The following TMPRSS15 variants were observed in gnomAD, a reference collection of about 807,000 sequenced individuals.
The protein encoded by TMPRSS15 is enteropeptidase.
In TMPRSS15, 128 loss-of-function variants were observed where a neutral mutation model predicts 125.3. The observed-to-expected ratio is 1.02, with a 90% CI of 0.89 to 1.18. The LOEUF (loss-of-function observed/expected upper bound fraction) is 1.18, where lower values mean the gene tolerates loss of function less well. TMPRSS15 is among the 50% of genes most tolerant of loss of function. The pLI, the probability that TMPRSS15 is intolerant of heterozygous loss-of-function variation, is 0.00. For missense variants in TMPRSS15, 1,283 were observed against 1,212.7 expected (o/e 1.06, Z -0.86); for synonymous variants, 446 against 423.2 (o/e 1.05, Z -0.66).
intron 1 of TMPRSS15, among the ~76,000 whole-genome samples, chr21:18,473,876 T>G (rs1224102683): frequency 6.6e-6 from 1 of 152,138 alleles, no homozygotes; most frequent in East Asian, 1.9e-4. Flanking sequence ...ACAGGAAAAT[T>G]CACTTTATTG....
At chr21:18,384,699 T>C (rs532768841) in intron 3 of TMPRSS15, among the ~76,000 whole-genome samples, 72 of 152,232 alleles carry the variant, frequency 4.7e-4, no homozygotes, top group African/African-American at 1.7e-3. Flanking sequence ...CAATAAACTC[T>C]AGGCACTCAC....
intron 1 of TMPRSS15, among the ~76,000 whole-genome samples, chr21:18,402,259 C>A (rs963603473): frequency 1.3e-4 from 19 of 151,978 alleles, no homozygotes; most frequent in African/African-American, 3.9e-4. Flanking sequence ...TGGAAAGATA[C>A]GGTGGCTCAT....
intron 1 of TMPRSS15, among the ~76,000 whole-genome samples, chr21:18,413,741 G>A (rs1458821551): frequency 6.6e-6 from 1 of 151,154 alleles, no homozygotes; most frequent in Non-Finnish European, 1.5e-5. Flanking sequence ...TTTATTTCTT[G>A]CTTTAGGACA....
rs1211827470 is a variant in TMPRSS15 at position 18,478,066 on chromosome 21, CCT to C, written c.10+7731_10+7732del. On this transcript the variant is annotated intron_variant, in intron 1 of 7. Transcript: ENST00000422787. Reference sequence around the variant, plus strand: ...ATCCTACCTTGGGTCCGTAAATGCCCCTGTGTATATACAAGATGTTGAAATCT... The same window carrying C: ...ATCCTACCTTGGGTCCGTAAATGCCCGTGTATATACAAGATGTTGAAATCT... Among the ~76,000 whole-genome samples, 8 of 152,030 alleles carry C rather than the reference CCT, an allele frequency of 5.3e-5. No homozygotes were observed. In the South Asian group the frequency reaches 1.2e-3, roughly 24 times the overall value.
At chr21:18,370,816 T>C (rs1402670388) in intron 6 of TMPRSS15, among the ~76,000 whole-genome samples, 4 of 152,166 alleles carry the variant, frequency 2.6e-5, no homozygotes, top group African/African-American at 7.2e-5. Context: ...AAATGTGTAC[T>C]AAGTGGATAG....
At chr21:18,388,929 T>G (rs1259904567) in intron 3 of TMPRSS15, among the ~76,000 whole-genome samples, 1 of 152,068 alleles carries the variant, frequency 6.6e-6, no homozygotes, top group Admixed American at 6.6e-5. Context: ...TAAGAGATTA[T>G]ACACTCTGGA....
intron 1 of TMPRSS15, among the ~76,000 whole-genome samples, chr21:18,473,106 C>A (rs1161103393): frequency 1.3e-5 from 2 of 152,044 alleles, no homozygotes; most frequent in African/African-American, 4.8e-5. Flanking sequence ...AATGCAATAA[C>A]AAAGCACCCT....
At chr21:18,355,829 A>G (rs2075619238) in intron 8 of TMPRSS15, among the ~76,000 whole-genome samples, 1 of 151,878 alleles carries the variant, frequency 6.6e-6, no homozygotes, top group Non-Finnish European at 1.5e-5. Context: ...GGATGAGATC[A>G]TGACTTAATG....
intron 19 of TMPRSS15, among the ~76,000 whole-genome samples, chr21:18,295,749 T>C (rs1024983069): frequency 2.0e-5 from 3 of 152,226 alleles, no homozygotes; most frequent in South Asian, 2.1e-4. Flanking sequence ...AATCTAGATA[T>C]ATTGACATGT....
chr21:18,305,895 A>G (rs2075033870), intron 18 of TMPRSS15, among the ~76,000 whole-genome samples: 3 of 152,216 alleles, frequency 2.0e-5, no homozygotes, highest in Admixed American at 1.3e-4. Flanking sequence ...TTGTGCTTCA[A>G]GTAAATGATG....
chr21:18,314,580 C>T (rs1253785661), intron 17 of TMPRSS15, among the ~76,000 whole-genome samples: 2 of 152,210 alleles, frequency 1.3e-5, no homozygotes, highest in East Asian at 3.9e-4. Context: ...GCCTGACCAG[C>T]TATACCTAAT....
In TMPRSS15 at chr21:18,396,808, G is replaced by GTCTATCTATCTATCTATCTATCTA. The variant is rs3082172; in HGVS notation, c.344+1047_344+1070dup. Among the ~76,000 whole-genome samples the GTCTATCTATCTATCTATCTATCTA allele has an allele frequency of 3.9e-4, 42 of 107,864 alleles. 1 individual carries two copies. Among genetic ancestry groups the GTCTATCTATCTATCTATCTATCTA allele is most frequent in the Middle Eastern group, 5.0e-3 (1 of 202 alleles). The allele number at this position is 107,864 out of a possible 152,430, so 70.8% of individuals were successfully genotyped here. ...AAAAAAAAAATCTGTCTGTCTGTCTGTCTATCTATCTATCTATCTATCTAT... is the reference window on the plus strand; with the variant it reads ...AAAAAAAAAATCTGTCTGTCTGTCTGTCTATCTATCTATCTATCTATCTATCTATCTATCTATCTATCTATCTAT... On this transcript the variant is annotated intron_variant, in intron 3 of 24. Transcript: ENST00000284885.
At chr21:18,374,303 C>G (rs1325286154) in intron 5 of TMPRSS15, among the ~76,000 whole-genome samples, 1 of 150,738 alleles carries the variant, frequency 6.6e-6, no homozygotes, top group Non-Finnish European at 1.5e-5. Flanking sequence ...GAAACCCCGT[C>G]TCTACTAAAA....
At chr21:18,453,543 G>A (rs1978382080) in intron 1 of TMPRSS15, among the ~76,000 whole-genome samples, 1 of 152,148 alleles carries the variant, frequency 6.6e-6, no homozygotes, top group South Asian at 2.1e-4. Context: ...CACATCTAAA[G>A]GCCATCAAGA....
Position 18,278,976 on chromosome 21 carries a change from C to T in TMPRSS15, c.2752G>A (p.Val918Ile). The T allele has an allele frequency of 8.7e-7, 1 of 1,146,168 alleles. No homozygotes were observed. Among genetic ancestry groups the T allele is most frequent in the Non-Finnish European group, 1.2e-6 (1 of 809,160 alleles). 71.0% of individuals were successfully genotyped at this position (1,146,168 alleles called of 1,614,324 possible). ...TCTGATAATTTACCTTGATATACAA[C>T]CGTCCCCCAACCAGCAATAGAACAA... ...RNCSIAGWGT[V>I]VYQGTTANIL... The change falls in exon 23 of 25, where the codon GTT becomes ATT. Residue 918 changes from valine (V) to isoleucine (I), a missense_variant. Transcript: ENST00000284885.
At chr21:18,379,724 T>G (rs982423273) in intron 4 of TMPRSS15, among the ~76,000 whole-genome samples, 1 of 152,064 alleles carries the variant, frequency 6.6e-6, no homozygotes, top group Non-Finnish European at 1.5e-5. Context: ...AGGAATTGCT[T>G]TTGATTTCTG....
chr21:18,323,479 C>T (rs1249937509), intron 16 of TMPRSS15, among the ~76,000 whole-genome samples: 2 of 152,080 alleles, frequency 1.3e-5, no homozygotes, highest in Non-Finnish European at 2.9e-5. Context: ...AAACCCACCC[C>T]CATTACTCAA....
intron 1 of TMPRSS15, among the ~76,000 whole-genome samples, chr21:18,470,822 G>A (rs1978764773): frequency 6.6e-6 from 1 of 151,954 alleles, no homozygotes; most frequent in African/African-American, 2.4e-5. Flanking sequence ...TCAAAATATA[G>A]TATAAAAAAC....
rs1416760863 is a variant in TMPRSS15, at chr21:18,403,713, G to C, written c.-91C>G. On this transcript the variant is annotated 5_prime_UTR_variant, in exon 1 of 25. It adds an upstream start codon to the 5' untranslated region. Coordinates refer to ENST00000284885, the MANE Select transcript of TMPRSS15 (RefSeq NM_002772.3). ...GAGAAAAATCTCTCAAATTTTTAAA[G>C]ATGTGTAAAGCAACAACCACCTGTC... The C allele has an allele frequency of 6.5e-7, 1 of 1,538,680 alleles. No homozygotes were observed. The highest frequency in any genetic ancestry group is 8.9e-7 in the Non-Finnish European group (1 of 1,124,030).
Sources: allele counts gnomAD v4.1 joint callset (sites outside exome capture counted in the v4.1 genomes callset), GRCh38; gene constraint gnomAD v4.1.1; transcripts MANE v1.5; gene names NCBI Gene and HGNC (gene_info 2026-07-23, HGNC 2026-07-21).